RBFOX1: variants seen among roughly 807,000 people sequenced by gnomAD.
RBFOX1 encodes the protein RNA binding protein fox-1 homolog 1.
In RBFOX1, 8 loss-of-function variants were observed where a neutral mutation model predicts 57.7. The observed-to-expected ratio is 0.14, with a 90% CI of 0.08 to 0.25. The LOEUF (loss-of-function observed/expected upper bound fraction) is 0.25. Ranked by LOEUF, RBFOX1 falls within the 10% of genes least tolerant of loss-of-function variation. The pLI is 1.00. For synonymous variants in RBFOX1, 326 were observed against 222.4 expected, an observed-to-expected ratio of 1.47 and a Z score of -4.15; for missense variants, 611 against 548.5, an observed-to-expected ratio of 1.11 and a Z score of -1.14.
chr16:7,293,448 T>G (rs993605165), intron 4 of RBFOX1, among the ~76,000 whole-genome samples: 1 of 152,194 alleles, frequency 6.6e-6, no homozygotes, highest in Non-Finnish European at 1.5e-5. Flanking sequence ...GAATCACATC[T>G]TCCATTCTCT....
At chr16:7,686,635 C>G (rs1399759693) in intron 14 of RBFOX1, among the ~76,000 whole-genome samples, 1 of 152,122 alleles carries the variant, frequency 6.6e-6, no homozygotes, top group Non-Finnish European at 1.5e-5. Flanking sequence ...TCTCATTCAA[C>G]TTGCACAAAA....
At chr16:5,725,116 A>C (rs2151544767) in intron 3 of RBFOX1, among the ~76,000 whole-genome samples, 1 of 152,294 alleles carries the variant, frequency 6.6e-6, no homozygotes, top group East Asian at 1.9e-4. Context: ...CTAATAAAAT[A>C]TTTGGGGAAT....
chr16:5,783,122 C>T (rs558009102), intron 3 of RBFOX1, among the ~76,000 whole-genome samples: 1 of 152,214 alleles, frequency 6.6e-6, no homozygotes, highest in South Asian at 2.1e-4. Flanking sequence ...GTCACACCCT[C>T]TTTACTTAAA....
intron 2 of RBFOX1, among the ~76,000 whole-genome samples, chr16:5,552,285 G>A (rs144071816): frequency 3.9e-5 from 6 of 152,244 alleles, no homozygotes; most frequent in South Asian, 4.1e-4. Flanking sequence ...TAAGCATTCC[G>A]TCATATGTTG....
intron 1 of RBFOX1, among the ~76,000 whole-genome samples, chr16:5,244,366 A>T (rs1567229105): frequency 6.6e-6 from 1 of 152,162 alleles, no homozygotes; most frequent in Non-Finnish European, 1.5e-5. Flanking sequence ...CTTTCTGCAC[A>T]AGACTTGCCT....
chr16:7,380,425 G>T (rs1047783622), intron 4 of RBFOX1, among the ~76,000 whole-genome samples: 6 of 152,080 alleles, frequency 3.9e-5, no homozygotes, highest in African/African-American at 1.4e-4. Flanking sequence ...CTATGACTCT[G>T]TTACCACTTA....
intron 3 of RBFOX1, among the ~76,000 whole-genome samples, chr16:5,621,598 C>T (rs146977971): frequency 3.3e-5 from 5 of 152,206 alleles, no homozygotes; most frequent in African/African-American, 1.2e-4. Flanking sequence ...CTGACTTCCC[C>T]TACGGAAAAT....
intron 5 of RBFOX1, among the ~76,000 whole-genome samples, chr16:7,538,007 CAG>C (rs1567723002): frequency 6.6e-6 from 1 of 152,192 alleles, no homozygotes; most frequent in Non-Finnish European, 1.5e-5. Context: ...TACTGGAAAA[CAG>C]AGATGAGTCA....
chr16:7,383,199 G>T (rs901527411), intron 4 of RBFOX1, among the ~76,000 whole-genome samples: 8 of 151,506 alleles, frequency 5.3e-5, no homozygotes, highest in Admixed American at 1.3e-4. Flanking sequence ...TATTTCTCAT[G>T]GCATGCCTGT....
chr16:7,434,767 C>A (rs946002095), intron 4 of RBFOX1, among the ~76,000 whole-genome samples: 1 of 151,150 alleles, frequency 6.6e-6, no homozygotes, highest in African/African-American at 2.4e-5. Context: ...TGAGATTGAG[C>A]CTCGCTGGAT....
chr16:5,464,262 A>G (rs958048383), intron 1 of RBFOX1, among the ~76,000 whole-genome samples: 24 of 152,306 alleles, frequency 1.6e-4, no homozygotes, highest in African/African-American at 5.3e-4. Flanking sequence ...TGGGACTAGA[A>G]CTGCACAGTC....
At chr16:7,052,234 C>A in intron 4 of RBFOX1, 136 bp downstream of exon 4, 1 of 1,344,982 alleles carries the variant, frequency 7.4e-7, no homozygotes. Flanking sequence ...AAATATTTAT[C>A]CCAGCTTATT....
intron 4 of RBFOX1, among the ~76,000 whole-genome samples, chr16:7,058,635 G>T (rs1463773542): frequency 6.6e-6 from 1 of 151,768 alleles, no homozygotes; most frequent in Non-Finnish European, 1.5e-5. Context: ...TGCAAAAAAA[G>T]ATTAAACTAA....
chr16:6,643,984 G>A lies in RBFOX1; in HGVS notation c.-63-10619G>A, dbSNP rs189242909. ...GTACTAAAAATAAAAAAAATAGCCA[G>A]ACGTGGTAGCATGCACCTGTAATCC... is the stretch of plus-strand genomic sequence containing the variant. On this transcript the variant is annotated intron_variant, in intron 2 of 15. Coordinates refer to ENST00000550418, the MANE Select transcript of RBFOX1 (RefSeq NM_018723.4). Among the ~76,000 whole-genome samples the A allele has an allele frequency of 3.5e-4, 54 of 152,204 alleles. 1 individual carries two copies. Among genetic ancestry groups the A allele is most frequent in the Middle Eastern group, 3.4e-3 (1 of 294 alleles).
intron 3 of RBFOX1, among the ~76,000 whole-genome samples, chr16:5,788,307 C>T (rs1057212813): frequency 1.3e-5 from 2 of 152,162 alleles, no homozygotes; most frequent in Non-Finnish European, 2.9e-5. Flanking sequence ...TTATTGGAGA[C>T]ATTTAGCGCA....
At chr16:5,712,509 G>C (rs544521201) in intron 3 of RBFOX1, among the ~76,000 whole-genome samples, 4 of 152,318 alleles carry the variant, frequency 2.6e-5, no homozygotes, top group African/African-American at 9.6e-5. Context: ...AGAGGGAAGA[G>C]TATGTGAGGC....
At chr16:7,618,196 C>T (rs2058763244) in intron 10 of RBFOX1, among the ~76,000 whole-genome samples, 2 of 152,168 alleles carry the variant, frequency 1.3e-5, no homozygotes, top group African/African-American at 4.8e-5. Context: ...TTTATCCTTT[C>T]AGTGGTAGGC....
chr16:5,368,531 T>C (rs1359289796), intron 1 of RBFOX1, among the ~76,000 whole-genome samples: 2 of 152,242 alleles, frequency 1.3e-5, no homozygotes, highest in African/African-American at 4.8e-5. Context: ...GTTTCTTTCA[T>C]ATTGGGTAAT....
chr16:6,790,678 A>G (rs1391910037), intron 3 of RBFOX1, among the ~76,000 whole-genome samples: 4 of 151,978 alleles, frequency 2.6e-5, no homozygotes, highest in Admixed American at 6.6e-5. Context: ...TTTCACTTGT[A>G]TGGTGGATGT....
Sources: allele counts gnomAD v4.1 joint callset (sites outside exome capture counted in the v4.1 genomes callset), GRCh38; gene constraint gnomAD v4.1.1; transcripts MANE v1.5; gene names NCBI Gene and HGNC (gene_info 2026-07-23, HGNC 2026-07-21).